WDR41: variants seen among roughly 807,000 people sequenced by gnomAD.
The protein encoded by WDR41 is WD repeat-containing protein 41.
Under a neutral mutation model 69.3 loss-of-function variants are expected in WDR41, and 63 were observed. That is an observed-to-expected ratio of 0.91 (90% confidence interval 0.74 to 1.12). WDR41 has a LOEUF of 1.12. Among genes scored for constraint, WDR41 ranks in the 50% most tolerant of loss-of-function variants. WDR41 has a pLI of 0.00. For synonymous variants in WDR41, 185 were observed against 192.1 expected (o/e 0.96, Z 0.31); for missense variants, 543 against 534.5 (o/e 1.02, Z -0.16).
intron 2 of WDR41, among the ~76,000 whole-genome samples, chr5:77,466,547 C>T (rs1581727366): frequency 6.6e-6 from 1 of 151,932 alleles, no homozygotes; most frequent in East Asian, 1.9e-4. Flanking sequence ...TAATTTTTAA[C>T]TTCTTATGAT....
intron 5 of WDR41, among the ~76,000 whole-genome samples, chr5:77,457,857 A>G (rs1799895760): frequency 6.6e-6 from 1 of 152,070 alleles, no homozygotes; most frequent in African/African-American, 2.4e-5. Flanking sequence ...GAGAAAACAG[A>G]CACAAATATC....
At chr5:77,477,128 C>T (rs1167874697) in intron 2 of WDR41, among the ~76,000 whole-genome samples, 1 of 147,428 alleles carries the variant, frequency 6.8e-6, no homozygotes, top group African/African-American at 2.7e-5. Context: ...AGCTAACTAT[C>T]CTAAATATAT....
At chr5:77,526,631 A>G (rs1396468359) in intron 1 of WDR41, among the ~76,000 whole-genome samples, 3 of 152,102 alleles carry the variant, frequency 2.0e-5, no homozygotes, top group African/African-American at 2.4e-5. Context: ...TAACACTTCA[A>G]TGATTACTAC....
At chr5:77,508,320 C>G (rs539193143) in intron 1 of WDR41, among the ~76,000 whole-genome samples, 10 of 152,068 alleles carry the variant, frequency 6.6e-5, no homozygotes, top group Non-Finnish European at 1.5e-4. Flanking sequence ...TCCATTGTTG[C>G]CCAGACTGAT....
intron 1 of WDR41, chr5:77,545,884 A>T (rs1247374810): frequency 3.7e-6 from 2 of 546,822 alleles, no homozygotes; most frequent in African/African-American, 4.0e-5. Flanking sequence ...CTACTGGGGG[A>T]CAGAGGCTAC....
intron 4 of WDR41, among the ~76,000 whole-genome samples, chr5:77,460,093 G>A (rs536216681): frequency 7.2e-5 from 11 of 152,318 alleles, no homozygotes; most frequent in African/African-American, 2.6e-4. Flanking sequence ...CTAGGAAGGA[G>A]CTGCAGCTCC....
intron 2 of WDR41, among the ~76,000 whole-genome samples, chr5:77,477,941 G>GA (rs1184057178): frequency 6.7e-6 from 1 of 148,306 alleles, no homozygotes; most frequent in Non-Finnish European, 1.5e-5. Flanking sequence ...GACTAATAAA[G>GA]AAAAAAAGAG....
intron 2 of WDR41, among the ~76,000 whole-genome samples, chr5:77,477,944 A>G (rs201072468): frequency 6.7e-6 from 1 of 149,992 alleles, no homozygotes; most frequent in Admixed American, 6.7e-5. Flanking sequence ...TAATAAAGAA[A>G]AAAAGAGAGA....
chr5:77,524,919 T>C (rs761664408), intron 1 of WDR41, among the ~76,000 whole-genome samples: 4 of 152,232 alleles, frequency 2.6e-5, no homozygotes, highest in African/African-American at 4.8e-5. Context: ...GAATTTGTTT[T>C]AATATAAAAT....
At chr5:77,434,952 T>C (rs1186201061) in intron 12 of WDR41, among the ~76,000 whole-genome samples, 1 of 152,072 alleles carries the variant, frequency 6.6e-6, no homozygotes, top group Non-Finnish European at 1.5e-5. Flanking sequence ...AAAAATAAAG[T>C]CCAAACTCCT....
intron 11 of WDR41, among the ~76,000 whole-genome samples, chr5:77,436,990 T>G (rs1301246238): frequency 6.6e-6 from 1 of 152,176 alleles, no homozygotes; most frequent in Non-Finnish European, 1.5e-5. Flanking sequence ...AAAGAACACT[T>G]TGGTTTGACA....
intron 2 of WDR41, among the ~76,000 whole-genome samples, chr5:77,479,870 A>G (rs1309798011): frequency 6.6e-6 from 1 of 151,718 alleles, no homozygotes; most frequent in East Asian, 1.9e-4. Context: ...AGAAACTACC[A>G]TCAGAGTGAA....
chr5:77,512,338 G>GAGAGAA lies in WDR41; in HGVS notation c.43-22767_43-22766insTTCTCT, dbSNP rs1334918067. Among the ~76,000 whole-genome samples, 853 of 125,386 alleles carry GAGAGAA rather than the reference G, an allele frequency of 6.8e-3. 8 individuals carry two copies. The highest frequency in any genetic ancestry group is 0.024 in the Middle Eastern group (6 of 248). 82.3% of individuals were successfully genotyped at this position (125,386 alleles called of 152,430 possible). On this transcript the variant is annotated intron_variant, in intron 1 of 5. Coordinates refer to the WDR41 transcript ENST00000509971. ...GTAATTACATGGGGTGAGTGAGAGA[G>GAGAGAA]AGAGAGAGAGAGAGTGAGTGTGTGT...
chr5:77,569,635 G>A (rs1561227147), intron 1 of WDR41, among the ~76,000 whole-genome samples: 1 of 152,106 alleles, frequency 6.6e-6, no homozygotes, highest in African/African-American at 2.4e-5. Flanking sequence ...TAGAATGATT[G>A]CATCACTACC....
chr5:77,560,848 G>C (rs1423613173), intron 1 of WDR41, among the ~76,000 whole-genome samples: 1 of 152,016 alleles, frequency 6.6e-6, no homozygotes, highest in Admixed American at 6.6e-5. Flanking sequence ...GATTTGATAG[G>C]GTTCACCAGC....
intron 1 of WDR41, among the ~76,000 whole-genome samples, chr5:77,572,891 C>A (rs1188580644): frequency 6.6e-6 from 1 of 152,124 alleles, no homozygotes; most frequent in South Asian, 2.1e-4. Flanking sequence ...TAGATCAAAC[C>A]CAACGGTGAT....
At chr5:77,552,928 A>C (rs969513717) in intron 1 of WDR41, among the ~76,000 whole-genome samples, 1 of 152,254 alleles carries the variant, frequency 6.6e-6, no homozygotes, top group Non-Finnish European at 1.5e-5. Flanking sequence ...AAACAAACCT[A>C]TAAGACTTTC....
chr5:77,506,433 TTGG>T (rs1265908025), intron 1 of WDR41, among the ~76,000 whole-genome samples: 3 of 152,186 alleles, frequency 2.0e-5, no homozygotes, highest in African/African-American at 7.2e-5. Context: ...TTTTACACTG[TTGG>T]TGGGAGTGTA....
chr5:77,517,215 A>G (rs928457365), intron 1 of WDR41, among the ~76,000 whole-genome samples: 1 of 152,110 alleles, frequency 6.6e-6, no homozygotes, highest in African/African-American at 2.4e-5. Context: ...TGGTAACAAT[A>G]AAGATGGATC....
Sources: allele counts gnomAD v4.1 joint callset (sites outside exome capture counted in the v4.1 genomes callset), GRCh38; gene constraint gnomAD v4.1.1; transcripts MANE v1.5; gene names NCBI Gene and HGNC (gene_info 2026-07-23, HGNC 2026-07-21).